The following TUSC3 variants were observed in gnomAD, a reference collection of about 807,000 sequenced individuals.
TUSC3 encodes the protein dolichyl-diphosphooligosaccharide--protein glycosyltransferase subunit TUSC3.
Under a neutral mutation model 44.8 loss-of-function variants are expected in TUSC3, and 45 were observed. The observed-to-expected ratio is 1.00, with a 90% CI of 0.79 to 1.29. The LOEUF is 1.29. Among genes scored for constraint, TUSC3 ranks in the 50% most tolerant of loss-of-function variants. The probability of loss-of-function intolerance (pLI) is 0.00; values close to 1 mark genes in which losing one functional copy is unlikely to be tolerated. For synonymous variants in TUSC3, 212 were observed against 152.9 expected, an observed-to-expected ratio of 1.39 and a Z score of -2.85; for missense variants, 519 against 437.9, an observed-to-expected ratio of 1.19 and a Z score of -1.65.
At chr8:15,646,399 G>A (rs1196429141) in intron 2 of TUSC3, among the ~76,000 whole-genome samples, 1 of 151,948 alleles carries the variant, frequency 6.6e-6, no homozygotes, top group African/African-American at 2.4e-5. Flanking sequence ...AACATTTTTG[G>A]ACTTTAGAAT....
the TUSC3 span, among the ~76,000 whole-genome samples, chr8:15,843,174 T>C: frequency 0.73 from 110,906 of 152,108 alleles, 40,788 homozygotes; most frequent in African/African-American, 0.79. Context: ...AGTTTCTCTA[T>C]ACAGTAAGGC....
the TUSC3 span, among the ~76,000 whole-genome samples, chr8:15,825,152 G>C: frequency 6.6e-6 from 1 of 152,076 alleles, no homozygotes; most frequent in Non-Finnish European, 1.5e-5. Flanking sequence ...GGAAGTAATG[G>C]CCAATGACAA....
At chr8:15,626,274 C>T (rs1477428003) in intron 2 of TUSC3, among the ~76,000 whole-genome samples, 1 of 152,192 alleles carries the variant, frequency 6.6e-6, no homozygotes, top group Non-Finnish European at 1.5e-5. Context: ...CAGACAGTCC[C>T]TGAAGCTATG....
intron 2 of TUSC3, among the ~76,000 whole-genome samples, chr8:15,517,307 G>A (rs540616406): frequency 2.0e-5 from 3 of 152,092 alleles, no homozygotes; most frequent in Admixed American, 6.5e-5. Context: ...CTCAAGTCTC[G>A]TTTCTAGCAG....
the TUSC3 span, among the ~76,000 whole-genome samples, chr8:15,783,655 G>A: frequency 6.6e-6 from 1 of 152,070 alleles, no homozygotes; most frequent in East Asian, 1.9e-4. Flanking sequence ...ATGGTGTTGG[G>A]GAAACTATAG....
At chr8:15,605,036 G>T (rs1033061909) in intron 1 of TUSC3, among the ~76,000 whole-genome samples, 1 of 151,822 alleles carries the variant, frequency 6.6e-6, no homozygotes, top group Non-Finnish European at 1.5e-5. Flanking sequence ...CATTTTTACT[G>T]AAATGAACTA....
intron 1 of TUSC3, among the ~76,000 whole-genome samples, chr8:15,556,518 C>G (rs1253699844): frequency 6.6e-6 from 1 of 150,812 alleles, no homozygotes; most frequent in African/African-American, 2.4e-5. Context: ...GGTATATACC[C>G]AGTAATGGGA....
chr8:15,709,891 T>C (rs1004245291), intron 6 of TUSC3, among the ~76,000 whole-genome samples: 1 of 151,832 alleles, frequency 6.6e-6, no homozygotes, highest in African/African-American at 2.4e-5. Flanking sequence ...TCCATTACAT[T>C]ATGGCACTCA....
rs1215871001 is a variant in TUSC3, at chr8:15,576,151, T to C, written c.138+35583T>C. Among the ~76,000 whole-genome samples the C allele has an allele frequency of 2.0e-5, 3 of 151,734 alleles. No individual in the cohort carries two copies. The East Asian group carries it at 5.8e-4, about 29-fold the overall frequency. ...TGAATCAGAGTTTTTGAATGATGTG[T>C]GCAGAATTCTTGCTTGTTTATGAGA... On this transcript the variant is annotated intron_variant, in intron 1 of 10. Coordinates refer to ENST00000503731, the MANE Select transcript of TUSC3 (RefSeq NM_006765.4).
At chr8:15,613,540 C>G (rs1259004789) in intron 1 of TUSC3, among the ~76,000 whole-genome samples, 1 of 152,108 alleles carries the variant, frequency 6.6e-6, no homozygotes. Context: ...CATGCTGTCT[C>G]TTGCCTGCTG....
upstream of TUSC3, among the ~76,000 whole-genome samples, chr8:15,537,327 G>C (rs1801538342): frequency 6.6e-6 from 1 of 152,068 alleles, no homozygotes; most frequent in Admixed American, 6.5e-5. Context: ...CCCACTTTAA[G>C]TCGTCCTGCC....
At chr8:15,691,629 G>A (rs1339349474) in intron 6 of TUSC3, among the ~76,000 whole-genome samples, 3 of 152,242 alleles carry the variant, frequency 2.0e-5, no homozygotes, top group East Asian at 1.9e-4. Flanking sequence ...CATTCACTAT[G>A]ATGTTGGCAG....
chr8:15,801,383 G>A, the TUSC3 span, among the ~76,000 whole-genome samples: 11 of 152,278 alleles, frequency 7.2e-5, no homozygotes, highest in East Asian at 1.2e-3. Context: ...AATGTGTGGG[G>A]TGGCTGAGAG....
intron 2 of TUSC3, among the ~76,000 whole-genome samples, chr8:15,496,882 A>C (rs1800887236): frequency 6.6e-6 from 1 of 150,674 alleles, no homozygotes; most frequent in African/African-American, 2.4e-5. Context: ...TGGTAGTAGA[A>C]ATTTAGGAAA....
At chr8:15,796,059 T>C in the TUSC3 span, among the ~76,000 whole-genome samples, 2 of 132,086 alleles carry the variant, frequency 1.5e-5, no homozygotes, top group African/African-American at 5.0e-5. Context: ...TCAGGTAAGC[T>C]GTTTGTTCAG....
intron 1 of TUSC3, among the ~76,000 whole-genome samples, chr8:15,447,265 G>T: frequency 6.6e-6 from 1 of 152,172 alleles, no homozygotes; most frequent in Middle Eastern, 3.4e-3. Context: ...GAAGTCAGTC[G>T]AGCAAGATCT....
intron 6 of TUSC3, among the ~76,000 whole-genome samples, chr8:15,720,550 T>A (rs372004218): frequency 2.0e-5 from 3 of 152,134 alleles, no homozygotes; most frequent in East Asian, 3.9e-4. Flanking sequence ...TCACATCAGA[T>A]GTCAAGATAA....
At chr8:15,799,019 C>G in the TUSC3 span, among the ~76,000 whole-genome samples, 1 of 152,186 alleles carries the variant, frequency 6.6e-6, no homozygotes, top group Non-Finnish European at 1.5e-5. Context: ...AATGTCTCTT[C>G]TATGGTTTCT....
At chr8:15,758,970 G>A (rs557036096) in intron 10 of TUSC3, among the ~76,000 whole-genome samples, 1 of 152,002 alleles carries the variant, frequency 6.6e-6, no homozygotes, top group Non-Finnish European at 1.5e-5. Context: ...GACTTTTCTG[G>A]GTTTAGCAAT....
Sources: allele counts gnomAD v4.1 joint callset (sites outside exome capture counted in the v4.1 genomes callset), GRCh38; gene constraint gnomAD v4.1.1; transcripts MANE v1.5; gene names NCBI Gene and HGNC (gene_info 2026-07-23, HGNC 2026-07-21).